The following GPALPP1 variants were observed in gnomAD, a reference collection of about 807,000 sequenced individuals.
GPALPP1 encodes the protein GPALPP motifs-containing protein 1.
A neutral mutation model predicts 38.9 loss-of-function variants in GPALPP1; 30 were observed. The ratio of observed to expected loss-of-function variants is 0.77; its 90% CI spans 0.58 to 1.05. The LOEUF (loss-of-function observed/expected upper bound fraction) is 1.05. Ranked by LOEUF, GPALPP1 falls within the 50% of genes least tolerant of loss-of-function variation. The probability of loss-of-function intolerance (pLI) is 0.00; values close to 1 mark genes in which losing one functional copy is unlikely to be tolerated. For missense variants in GPALPP1, 384 were observed against 408.8 expected (o/e 0.94, Z 0.52); for synonymous variants, 120 against 139.2 (o/e 0.86, Z 0.97).
At chr13:44,992,209 T>C (rs2137943239) in intron 1 of GPALPP1, among the ~76,000 whole-genome samples, 1 of 152,340 alleles carries the variant, frequency 6.6e-6, no homozygotes, top group East Asian at 1.9e-4. Flanking sequence ...TATCTCATGG[T>C]AGTTTTAATT....
intron 3 of GPALPP1, among the ~76,000 whole-genome samples, chr13:45,007,183 C>A (rs965422428): frequency 1.4e-4 from 22 of 152,006 alleles, no homozygotes; most frequent in Non-Finnish European, 1.6e-4. Flanking sequence ...ACATGTGGCT[C>A]TCAAAGCCTA....
chr13:45,000,875 C>T (rs149156599), intron 1 of GPALPP1, among the ~76,000 whole-genome samples: 65 of 152,284 alleles, frequency 4.3e-4, no homozygotes, highest in Admixed American at 2.2e-3. Flanking sequence ...TTTGCTGTAA[C>T]GCAGCATGCC....
At chr13:44,995,743 A>G (rs1466126330) in intron 1 of GPALPP1, among the ~76,000 whole-genome samples, 1 of 152,194 alleles carries the variant, frequency 6.6e-6, no homozygotes, top group African/African-American at 2.4e-5. Context: ...CACATGGATT[A>G]CCCAGAGATC....
rs188614971 is a variant in GPALPP1, at chr13:44,990,474, A to G, written c.88+732A>G. The stretch of plus-strand genomic sequence containing the variant: ...TGCCCTCGGGTTTTTTCCTAATTAC[A>G]TTGCATATTTAGTACACTGTATTTG... On this transcript the variant is annotated intron_variant, in intron 1 of 7. Coordinates refer to ENST00000379151, the MANE Select transcript of GPALPP1 (RefSeq NM_018559.5). The G allele has an allele frequency of 6.0e-3, 913 of 152,710 alleles. 12 individuals carry two copies. Among genetic ancestry groups the G allele is most frequent in the Non-Finnish European group, 6.9e-3 (474 of 68,380 alleles). 9.5% of individuals were successfully genotyped at this position (152,710 alleles called of 1,614,324 possible). A position where few individuals can be genotyped will look rare whatever the true frequency, so the allele number is the denominator to read the frequency against.
chr13:45,003,308 G>C (rs941811455), intron 1 of GPALPP1, among the ~76,000 whole-genome samples: 18 of 152,152 alleles, frequency 1.2e-4, no homozygotes, highest in Non-Finnish European at 4.4e-5. Flanking sequence ...TAACACCTAA[G>C]AACTCAAACC....
chr13:45,031,593 C>T (rs1386259984), downstream of GPALPP1: 1 of 152,090 alleles, frequency 6.6e-6, no homozygotes. Context: ...CCTATTGCTT[C>T]CAGGAGTTAC....
At position 44,989,700 on chromosome 13, in the gene GPALPP1, G is replaced by A; in HGVS notation, c.46G>A (p.Ala16Thr). ...ACCGGCCCTGCCGCCCGGCTTCAAG[G>A]CCCGCGGAACAGCGGAGGACGAAGA... ...IGPALPPGFKARGTAEDEERD... is the reference protein window; with the variant it reads ...IGPALPPGFKTRGTAEDEERD... The change falls in exon 1 of 8, where the codon GCC (alanine) becomes ACC (threonine). Residue 16 changes from alanine to threonine, a missense_variant. Coordinates refer to ENST00000379151, the MANE Select transcript of GPALPP1 (RefSeq NM_018559.5). 2 of 1,611,826 alleles carry A rather than the reference G, an allele frequency of 1.2e-6. No individual in the cohort carries two copies. The highest frequency in any genetic ancestry group is 2.2e-5 in the East Asian group (1 of 44,870).
At chr13:45,022,382 A>G (rs1179792661) in intron 7 of GPALPP1, among the ~76,000 whole-genome samples, 2 of 152,100 alleles carry the variant, frequency 1.3e-5, no homozygotes, top group Non-Finnish European at 2.9e-5. Flanking sequence ...CTCATTGAAT[A>G]TACACTTAAT....
At chr13:45,010,552 C>G (rs142549451) in intron 4 of GPALPP1, among the ~76,000 whole-genome samples, 427 of 152,278 alleles carry the variant, frequency 2.8e-3, no homozygotes, top group African/African-American at 9.6e-3. Context: ...ATGAATGAAT[C>G]AAACACAGTG....
chr13:45,011,650 C>T (rs1307504027), intron 4 of GPALPP1, among the ~76,000 whole-genome samples: 1 of 152,178 alleles, frequency 6.6e-6, no homozygotes, highest in Non-Finnish European at 1.5e-5. Flanking sequence ...CACCTGGTCC[C>T]TCCGACACGT....
In GPALPP1 at chr13:45,015,567, A is replaced by G. The variant is rs1388017905; in HGVS notation, c.676A>G (p.Thr226Ala). Residue 226 changes from threonine (T) to alanine (A), a missense_variant, in exon 6 of 8, where the codon ACT (threonine) becomes GCT (alanine). By Grantham distance (58) the Thr-to-Ala change is moderately conservative. Transcript: ENST00000379151. ...TGGAGATCGATCAATCTGGACAGAT[A>G]CTCCAGCTGATAGGGAAAGGAAAGC... ...TSGDRSIWTD[T>A]PADRERKAKE... is the part of the protein sequence containing the mutation. The G allele has an allele frequency of 1.3e-6, 2 of 1,563,854 alleles. No individual in the cohort carries two copies. The highest frequency in any genetic ancestry group is 1.7e-6 in the Non-Finnish European group (2 of 1,156,870).
chr13:45,018,962 T>TATATATAC (rs1270729291), intron 6 of GPALPP1, among the ~76,000 whole-genome samples: 17 of 63,286 alleles, frequency 2.7e-4, no homozygotes, highest in East Asian at 1.1e-3. Flanking sequence ...TACATATAAA[T>TATATATAC]ATATATACAT....
chr13:45,008,223 T>G (rs1160512962), intron 3 of GPALPP1, among the ~76,000 whole-genome samples: 1 of 152,238 alleles, frequency 6.6e-6, no homozygotes, highest in Non-Finnish European at 1.5e-5. Flanking sequence ...ACTAGCTGCA[T>G]TCTTCTACAG....
At chr13:45,020,107 G>A (rs950166510) in intron 6 of GPALPP1, among the ~76,000 whole-genome samples, 2 of 151,604 alleles carry the variant, frequency 1.3e-5, no homozygotes, top group African/African-American at 4.8e-5. Context: ...TCTCGAACTC[G>A]TCACCTCAGG....
At chr13:45,035,167 A>G (rs924732539), downstream of GPALPP1, 8 of 152,484 alleles carry the variant, frequency 5.2e-5, no homozygotes, top group Non-Finnish European at 8.8e-5. Flanking sequence ...CGTGTTAGCC[A>G]GGATGGTCTC....
intron 7 of GPALPP1, among the ~76,000 whole-genome samples, chr13:45,022,429 T>C (rs1875495222): frequency 6.6e-6 from 1 of 151,850 alleles, no homozygotes; most frequent in African/African-American, 2.4e-5. Flanking sequence ...TTATCTTAAA[T>C]ATATATATAA....
chr13:45,019,068 AATATATACATATAAATATATGT>A (rs1875162457), intron 6 of GPALPP1, among the ~76,000 whole-genome samples: 3 of 117,246 alleles, frequency 2.6e-5, no homozygotes, highest in Admixed American at 9.8e-5. Flanking sequence ...TATACATATA[AATATATACATATAAATATATGT>A]ATATATATTT....
intron 7 of GPALPP1, among the ~76,000 whole-genome samples, chr13:45,024,709 G>A (rs376599138): frequency 2.6e-5 from 4 of 151,470 alleles, no homozygotes; most frequent in East Asian, 4.0e-4. Context: ...CAGGCAGATC[G>A]TGAGGTCAGG....
At chr13:45,023,946 A>G (rs1380023103) in intron 7 of GPALPP1, among the ~76,000 whole-genome samples, 2 of 152,184 alleles carry the variant, frequency 1.3e-5, no homozygotes, top group East Asian at 3.8e-4. Context: ...TACTAGAAAG[A>G]ATGATCCACA....
Sources: gnomAD v4.1 joint callset for allele counts (sites outside exome capture counted in the v4.1 genomes callset) on GRCh38, gnomAD v4.1.1 for gene constraint, MANE v1.5 for transcripts, NCBI Gene and HGNC (gene_info 2026-07-23, HGNC 2026-07-21) for gene names.